The following RBPJ variants were observed in gnomAD, a reference collection of about 807,000 sequenced individuals.
RBPJ encodes the protein recombination signal binding protein for immunoglobulin kappa J region.
Under a neutral mutation model 67.8 loss-of-function variants are expected in RBPJ, and 9 were observed. The observed-to-expected ratio is 0.13, with a 90% CI of 0.08 to 0.23. The LOEUF (loss-of-function observed/expected upper bound fraction) is 0.23. RBPJ is among the 10% of genes least tolerant of loss of function. The pLI, the probability that RBPJ is intolerant of heterozygous loss-of-function variation, is 1.00. For synonymous variants in RBPJ, 198 were observed against 203.3 expected (o/e 0.97, Z 0.22); for missense variants, 305 against 595.6 (o/e 0.51, Z 5.08).
chr4:26,117,963 GTA>G, the RBPJ span, among the ~76,000 whole-genome samples: 3 of 150,870 alleles, frequency 2.0e-5, no homozygotes, highest in South Asian at 4.2e-4. Context: ...ACATATTTGT[GTA>G]TATATATATA....
intron 1 of RBPJ, among the ~76,000 whole-genome samples, chr4:26,252,401 G>C (rs746113450): frequency 6.6e-6 from 1 of 152,092 alleles, no homozygotes; most frequent in Non-Finnish European, 1.5e-5. Flanking sequence ...TTCGAGACCA[G>C]TTTGGGCAAC....
chr4:26,355,288 A>T (rs183746122), intron 1 of RBPJ, among the ~76,000 whole-genome samples: 2 of 152,222 alleles, frequency 1.3e-5, no homozygotes, highest in African/African-American at 2.4e-5. Context: ...TCTGAAGTTA[A>T]ATACATCCCA....
At chr4:26,161,803 G>A (rs1716085298), upstream of RBPJ, among the ~76,000 whole-genome samples, 2 of 152,168 alleles carry the variant, frequency 1.3e-5, no homozygotes, top group Admixed American at 6.5e-5. Context: ...CAGCACAGAC[G>A]TCCTGTGGTA....
At chr4:26,254,727 G>C (rs1299192475) in intron 1 of RBPJ, among the ~76,000 whole-genome samples, 1 of 146,892 alleles carries the variant, frequency 6.8e-6, no homozygotes, top group African/African-American at 2.7e-5. Context: ...ACCCAGGCTG[G>C]AGTGCAGTGG....
At chr4:26,120,510 G>A in the RBPJ span, among the ~76,000 whole-genome samples, 1 of 152,074 alleles carries the variant, frequency 6.6e-6, no homozygotes, top group African/African-American at 2.4e-5. Context: ...GCCTGTTAGT[G>A]AAATGCATAC....
chr4:26,198,539 G>A (rs768304535), intron 1 of RBPJ, among the ~76,000 whole-genome samples: 4 of 152,146 alleles, frequency 2.6e-5, no homozygotes, highest in Non-Finnish European at 4.4e-5. Context: ...ATAACAGGTA[G>A]CATTTATCTT....
At chr4:26,285,106 C>T (rs1026821822) in intron 1 of RBPJ, among the ~76,000 whole-genome samples, 6 of 152,124 alleles carry the variant, frequency 3.9e-5, no homozygotes, top group African/African-American at 1.2e-4. Context: ...CCGCCCACCT[C>T]GGCCTCCCAA....
intron 1 of RBPJ, among the ~76,000 whole-genome samples, chr4:26,354,596 G>C (rs1054706131): frequency 6.6e-6 from 1 of 151,752 alleles, no homozygotes; most frequent in African/African-American, 2.4e-5. Context: ...ACTACAGGCT[G>C]CTGCCACCAC....
At chr4:26,146,901 A>G in the RBPJ span, among the ~76,000 whole-genome samples, 3 of 152,354 alleles carry the variant, frequency 2.0e-5, no homozygotes, top group Middle Eastern at 3.4e-3. Flanking sequence ...ATCCAATGGG[A>G]GCACCCTCCA....
intron 1 of RBPJ, among the ~76,000 whole-genome samples, chr4:26,225,074 A>G (rs1236725274): frequency 6.6e-6 from 1 of 152,262 alleles, no homozygotes; most frequent in Non-Finnish European, 1.5e-5. Context: ...TCATATATTA[A>G]GAAAAGATTT....
At chr4:26,420,484 T>G (rs1289689627) in intron 4 of RBPJ, 67 bp from the exon 5 acceptor site, 8 of 1,089,520 alleles carry the variant, frequency 7.3e-6, no homozygotes, top group South Asian at 2.3e-5. Flanking sequence ...ATGGCCATTC[T>G]GAGTTTTAGG....
At chr4:26,114,497 A>ATATATATGTG in the RBPJ span, among the ~76,000 whole-genome samples, 4 of 140,030 alleles carry the variant, frequency 2.9e-5, no homozygotes, top group African/African-American at 8.3e-5. Context: ...ATATATATAT[A>ATATATATGTG]TGTATGTGTG....
chr4:26,181,514 T>C (rs977993183), intron 1 of RBPJ, among the ~76,000 whole-genome samples: 1 of 152,192 alleles, frequency 6.6e-6, no homozygotes, highest in Non-Finnish European at 1.5e-5. Flanking sequence ...TTTATTATAG[T>C]CATGTGTCCC....
At chr4:26,320,736 C>T, upstream of RBPJ, 2 of 1,550,752 alleles carry the variant, frequency 1.3e-6, no homozygotes, top group Admixed American at 2.0e-5. Context: ...TCCTAAAACC[C>T]GGATAACCGG....
intron 1 of RBPJ, among the ~76,000 whole-genome samples, chr4:26,203,734 A>G (rs1049173926): frequency 6.6e-6 from 1 of 152,224 alleles, no homozygotes; most frequent in African/African-American, 2.4e-5. Context: ...CATCTCAACA[A>G]AGTGAGGAGG....
intron 2 of RBPJ, among the ~76,000 whole-genome samples, chr4:26,387,847 G>A (rs576755859): frequency 2.0e-5 from 3 of 152,278 alleles, no homozygotes; most frequent in African/African-American, 7.2e-5. Context: ...ATAATTTATG[G>A]GGCATTCGCT....
intron 3 of RBPJ, among the ~76,000 whole-genome samples, chr4:26,409,533 C>T (rs942659744): frequency 6.6e-6 from 1 of 152,100 alleles, no homozygotes; most frequent in African/African-American, 2.4e-5. Flanking sequence ...AGAGTCTCGC[C>T]TTGTTGCCCA....
chr4:26,107,793 G>T, the RBPJ span, among the ~76,000 whole-genome samples: 457 of 152,292 alleles, frequency 3.0e-3, 4 homozygotes, highest in Non-Finnish European at 2.0e-3. Context: ...AGCTATTTGG[G>T]AGGCTGAGGC....
At chr4:26,169,140 A>G (rs1224620152) in intron 1 of RBPJ, among the ~76,000 whole-genome samples, 1 of 151,984 alleles carries the variant, frequency 6.6e-6, no homozygotes, top group Non-Finnish European at 1.5e-5. Flanking sequence ...GGAGAAGGAG[A>G]GGTGCTCTGC....
Sources: allele counts gnomAD v4.1 joint callset (sites outside exome capture counted in the v4.1 genomes callset), GRCh38; gene constraint gnomAD v4.1.1; transcripts MANE v1.5; gene names NCBI Gene and HGNC (gene_info 2026-07-23, HGNC 2026-07-21).